STX5: variants seen among roughly 807,000 people sequenced by gnomAD.
The protein encoded by STX5 is syntaxin-5.
STX5 carries 15 observed loss-of-function variants against 42.9 expected under a neutral mutation model. That is an observed-to-expected ratio of 0.35 (90% CI 0.23 to 0.54). STX5 has a LOEUF of 0.54. Among genes scored for constraint, STX5 ranks in the 20% least tolerant of loss-of-function variants. The probability of loss-of-function intolerance (pLI) is 0.91; values close to 1 mark genes in which losing one functional copy is unlikely to be tolerated. For missense variants in STX5, 430 were observed against 455.0 expected (o/e 0.95, Z 0.50); for synonymous variants, 184 against 173.2 (o/e 1.06, Z -0.49).
At position 62,827,222 on chromosome 11, in the gene STX5, G is replaced by A. The variant is rs1313041249; in HGVS notation, c.356C>T (p.Ala119Val). The A allele has an allele frequency of 1.2e-6, 2 of 1,614,126 alleles. No individual in the cohort carries two copies. Among genetic ancestry groups the A allele is most frequent in the East Asian group, 2.2e-5 (1 of 44,890 alleles). ...FAKLEKLTIL[A>V]KRKSLFDDKA... ...ATCATCAAAGAGGGACTTGCGCTTT[G>A]CCACTACAGAGACAAACAAGAAGCC... is the stretch of plus-strand genomic sequence containing the variant. The change falls in exon 5 of 11, where the codon GCA becomes GTA. Residue 119 changes from alanine (A) to valine (V), a missense_variant. Transcript: ENST00000294179.
chr11:62,827,046 CT>C, intron 5 of STX5, 108 bp downstream of exon 5: 1 of 979,042 alleles, frequency 1.0e-6, no homozygotes, highest in Non-Finnish European at 1.5e-6. Context: ...TGAGACCCCC[CT>C]CTCTAAAAAA....
chr11:62,807,354 C>A lies in STX5; in HGVS notation c.*115G>T. On this transcript the variant is annotated 3_prime_UTR_variant, in exon 11 of 11. Coordinates refer to ENST00000294179, the MANE Select transcript of STX5 (RefSeq NM_003164.5). ...GGGCAGTGGTCATTCTTAGCAGTTC[C>A]AGGGAAACAGGGCCTTTCTCCCAAG... 6.9e-7 allele frequency: 1 copy of A among 1,454,856 alleles called. No individual in the cohort carries two copies. The highest frequency in any genetic ancestry group is 9.1e-7 in the Non-Finnish European group (1 of 1,094,004). 90.1% of individuals were successfully genotyped at this position (1,454,856 alleles called of 1,614,324 possible).
At position 62,807,269 on chromosome 11, in the gene STX5, A is replaced by T; in HGVS notation, c.*200T>A. Reference sequence around the variant, plus strand: ...TCAAATCTAGAACCCTGTGTGTTTCATAGGCCTGAGGGTGGTGGGGGGAGG... The same window carrying T: ...TCAAATCTAGAACCCTGTGTGTTTCTTAGGCCTGAGGGTGGTGGGGGGAGG... On this transcript the variant is annotated 3_prime_UTR_variant, in exon 11 of 11. Transcript: ENST00000294179. The T allele has an allele frequency of 1.4e-6, 1 of 710,922 alleles. No individual in the cohort carries two copies. The highest frequency in any genetic ancestry group is 3.1e-5 in the Admixed American group (1 of 32,682). 44.0% of individuals were successfully genotyped at this position (710,922 alleles called of 1,614,324 possible).
Position 62,831,223 on chromosome 11 carries a change from G to A in STX5, c.21C>T (p.Tyr7=). 1.3e-6 allele frequency: 2 copies of A among 1,563,466 alleles called. No homozygotes were observed. The highest frequency in any genetic ancestry group is 1.7e-6 in the Non-Finnish European group (2 of 1,152,704). The change falls in exon 2 of 11, where the codon TAC becomes TAT. Residue 7 remains tyrosine (Y), a synonymous_variant. Transcript: ENST00000294179. MIPRKR[Y]GSKNTDQGVY... is the part of the protein sequence containing the mutation. The stretch of plus-strand genomic sequence containing the variant: ...CACCCTGATCCGTGTTCTTAGACCC[G>A]TAGCGTTTCCGCGGGATCATTGAGA...
At chr11:62,817,996 G>A (rs750872326) in intron 10 of STX5, among the ~76,000 whole-genome samples, 31 of 151,990 alleles carry the variant, frequency 2.0e-4, no homozygotes, top group Non-Finnish European at 4.1e-4. Flanking sequence ...CAGAGGCTGG[G>A]TGTGGTGGCT....
In STX5 at chr11:62,827,233, G is replaced by A. The variant is rs757575572; in HGVS notation, c.353-8C>T. On this transcript the variant is annotated splice_polypyrimidine_tract_variant and splice_region_variant and intron_variant, in intron 4 of 10. Transcript: ENST00000294179. ...GGGACTTGCGCTTTGCCACTACAGA[G>A]ACAAACAAGAAGCCACAATGGGTGA... The A allele has an allele frequency of 1.9e-5, 30 of 1,613,970 alleles. No individual in the cohort carries two copies. The highest frequency in any genetic ancestry group is 8.5e-7 in the Non-Finnish European group (1 of 1,180,020).
In STX5 at chr11:62,824,047, T is replaced by C. The variant is rs2084766794; in HGVS notation, c.908+119A>G. 5.3e-6 allele frequency: 8 copies of C among 1,515,680 alleles called. 1 individual carries two copies. The highest frequency in any genetic ancestry group is 5.4e-6 in the Non-Finnish European group (6 of 1,114,720). The allele number at this position is 1,515,680 out of a possible 1,614,324, so 93.9% of individuals were successfully genotyped here. Reference sequence around the variant, plus strand: ...ATGGAAGCAGGTGAACTGGGTCCCATGGGTGGGCAGAATTCACTCTATCTT... The same window carrying C: ...ATGGAAGCAGGTGAACTGGGTCCCACGGGTGGGCAGAATTCACTCTATCTT... On this transcript the variant is annotated intron_variant, in intron 10 of 10. Coordinates refer to ENST00000294179, the MANE Select transcript of STX5 (RefSeq NM_003164.5).
chr11:62,815,324 TTTTA>T (rs763343951), intron 10 of STX5, among the ~76,000 whole-genome samples: 2 of 152,014 alleles, frequency 1.3e-5, no homozygotes, highest in Non-Finnish European at 1.5e-5. Flanking sequence ...GTGGTTTTTA[TTTTA>T]TTTATTTTTT....
chr11:62,821,315 G>A (rs11231237), intron 10 of STX5, among the ~76,000 whole-genome samples: 12,823 of 151,920 alleles, frequency 0.084, 668 homozygotes, highest in East Asian at 0.15. Flanking sequence ...TCAAAAAAAA[G>A]AAAAACCTGT....
At chr11:62,809,177 A>C (rs2084587093) in intron 10 of STX5, among the ~76,000 whole-genome samples, 1 of 150,608 alleles carries the variant, frequency 6.6e-6, no homozygotes, top group South Asian at 2.1e-4. Context: ...AGTCCCGGCT[A>C]TTCGGGAGGC....
chr11:62,827,603 A>C lies in STX5; in HGVS notation c.254T>G (p.Leu85Trp), dbSNP rs2084811278. 6.2e-7 allele frequency: 1 copy of C among 1,614,234 alleles called. No homozygotes were observed. Among genetic ancestry groups the C allele is most frequent in the Admixed American group, 1.7e-5 (1 of 60,022 alleles). ...TTCACTGCGTTGTCGGACAGCACGC[A>C]AAGCTGGCTTATTTGTCTGGATTCC... is the stretch of plus-strand genomic sequence containing the variant. Reference protein sequence around the residue: ...QNGIQTNKPALRAVRQRSEFT... With the variant: ...QNGIQTNKPAWRAVRQRSEFT... The change falls in exon 3 of 11, where the codon TTG becomes TGG. Residue 85 changes from leucine to tryptophan, a missense_variant. Physicochemically the swap from Leu to Trp is moderately conservative, Grantham distance 61. Transcript: ENST00000294179.
At chr11:62,827,906 A>G (rs2134855480) in intron 2 of STX5, among the ~76,000 whole-genome samples, 1 of 151,936 alleles carries the variant, frequency 6.6e-6, no homozygotes, top group East Asian at 1.9e-4. Context: ...AATGAAGACA[A>G]TCCACACATC....
chr11:62,831,379 C>T, intron 1 of STX5, 117 bp from the exon 2 acceptor site: 1 of 799,558 alleles, frequency 1.3e-6, no homozygotes, highest in Non-Finnish European at 2.1e-6. Flanking sequence ...CTTTCGCGCC[C>T]AGGACGCTCG....
intron 7 of STX5, 51 bp downstream of exon 7, chr11:62,825,232 C>G (rs770610553): frequency 6.2e-6 from 10 of 1,613,208 alleles, no homozygotes; most frequent in African/African-American, 1.3e-5. Flanking sequence ...TCATTTCCCT[C>G]TTGGATCTTT....
At chr11:62,825,642 C>T in intron 5 of STX5, 103 bp from the exon 6 acceptor site, 1 of 1,039,556 alleles carries the variant, frequency 9.6e-7, no homozygotes. Context: ...GTGGAAGTTA[C>T]TAGCCAGAGT....
chr11:62,809,150 T>C (rs2084586725), intron 10 of STX5, among the ~76,000 whole-genome samples: 1 of 151,758 alleles, frequency 6.6e-6, no homozygotes, highest in South Asian at 2.1e-4. Context: ...TAGCCGGGCA[T>C]GGTGGCGGGC....
At chr11:62,830,947 C>T (rs547245048) in intron 2 of STX5, 72 bp downstream of exon 2, 560 of 1,377,954 alleles carry the variant, frequency 4.1e-4, no homozygotes, top group Non-Finnish European at 5.5e-4. Flanking sequence ...CTTCGGTTAA[C>T]AGTGGTGGAG....
At chr11:62,827,440 G>A (rs1018937189) in intron 3 of STX5, 42 bp from the exon 4 acceptor site, 12 of 1,613,466 alleles carry the variant, frequency 7.4e-6, no homozygotes, top group Middle Eastern at 1.7e-4. Flanking sequence ...AGGGCAGGAC[G>A]CCTTTTCCCA....
chr11:62,816,046 T>C (rs1365398315), intron 10 of STX5: 1 of 152,152 alleles, frequency 6.6e-6, no homozygotes, highest in Non-Finnish European at 1.5e-5. Flanking sequence ...AATTTTAATA[T>C]ATGTCCTGCT....
Sources: gnomAD v4.1 joint callset for allele counts (sites outside exome capture counted in the v4.1 genomes callset) on GRCh38, gnomAD v4.1.1 for gene constraint, MANE v1.5 for transcripts, NCBI Gene and HGNC (gene_info 2026-07-23, HGNC 2026-07-21) for gene names.